The following SLC30A8 variants were observed in gnomAD, a reference collection of about 807,000 sequenced individuals.
SLC30A8 encodes the protein solute carrier family 30 member 8.
Under a neutral mutation model 36.9 loss-of-function variants are expected in SLC30A8, and 27 were observed. The observed-to-expected ratio is 0.73, with a 90% confidence interval of 0.54 to 1.01. The LOEUF is 1.01. SLC30A8 is among the 50% of genes least tolerant of loss of function. SLC30A8 has a pLI of 0.00. For synonymous variants in SLC30A8, 164 were observed against 172.4 expected, an observed-to-expected ratio of 0.95 and a Z score of 0.38; for missense variants, 439 against 452.0, an observed-to-expected ratio of 0.97 and a Z score of 0.26.
At chr8:116,959,723 T>C (rs182430585) in intron 1 of SLC30A8, among the ~76,000 whole-genome samples, 2 of 152,318 alleles carry the variant, frequency 1.3e-5, no homozygotes, top group Admixed American at 1.3e-4. Context: ...GAGTACTCTG[T>C]CCAAGGTCTT....
intron 1 of SLC30A8, among the ~76,000 whole-genome samples, chr8:117,145,536 TTTTGTTTG>T (rs200482000): frequency 6.6e-6 from 1 of 152,080 alleles, no homozygotes; most frequent in South Asian, 2.1e-4. Flanking sequence ...ATATTGTTAG[TTTTGTTTG>T]TTTGTTTGTT....
chr8:117,082,034 T>G (rs1196620933), intron 2 of SLC30A8, among the ~76,000 whole-genome samples: 1 of 152,234 alleles, frequency 6.6e-6, no homozygotes, highest in East Asian at 1.9e-4. Context: ...AGTTATCTCC[T>G]GAGTCCCTGA....
intron 2 of SLC30A8, among the ~76,000 whole-genome samples, chr8:117,047,097 C>G (rs1817576163): frequency 1.3e-5 from 2 of 152,128 alleles, no homozygotes; most frequent in Admixed American, 1.3e-4. Flanking sequence ...TCTCGGATCA[C>G]AGGAATGGAA....
chr8:117,119,885 C>T (rs1391455619), intron 2 of SLC30A8, among the ~76,000 whole-genome samples: 1 of 151,784 alleles, frequency 6.6e-6, no homozygotes, highest in East Asian at 1.9e-4. Flanking sequence ...ATCCCATTTA[C>T]AATAGCATCA....
intron 1 of SLC30A8, among the ~76,000 whole-genome samples, chr8:116,972,324 G>A (rs1452722235): frequency 6.6e-6 from 1 of 152,194 alleles, no homozygotes; most frequent in Non-Finnish European, 1.5e-5. Flanking sequence ...TAACAATTCT[G>A]TAGGCATCTC....
intron 2 of SLC30A8, among the ~76,000 whole-genome samples, chr8:117,117,476 G>A (rs1265312203): frequency 6.6e-6 from 1 of 151,994 alleles, no homozygotes; most frequent in Non-Finnish European, 1.5e-5. Context: ...GGCTTCCACT[G>A]TTGGGAAGGA....
chr8:117,083,454 AC>A (rs1224672793), intron 2 of SLC30A8, among the ~76,000 whole-genome samples: 1 of 152,168 alleles, frequency 6.6e-6, no homozygotes, highest in Non-Finnish European at 1.5e-5. Flanking sequence ...AGGTGAGAGA[AC>A]TGTGAAGAAC....
chr8:117,104,218 G>T (rs1437426332), intron 2 of SLC30A8, among the ~76,000 whole-genome samples: 1 of 152,086 alleles, frequency 6.6e-6, no homozygotes, highest in African/African-American at 2.4e-5. Context: ...TCTGGTTCTG[G>T]TTTATTTTTT....
chr8:117,152,072 G>A (rs538041675), intron 2 of SLC30A8, among the ~76,000 whole-genome samples: 2 of 152,214 alleles, frequency 1.3e-5, no homozygotes, highest in Non-Finnish European at 2.9e-5. Flanking sequence ...GCTGATGGCT[G>A]ACAGTCTCTG....
chr8:116,975,365 A>T (rs1236641398), intron 1 of SLC30A8, among the ~76,000 whole-genome samples: 2 of 152,328 alleles, frequency 1.3e-5, no homozygotes, highest in African/African-American at 4.8e-5. Context: ...TATCTTTGTT[A>T]TAAAGCTTAA....
intron 2 of SLC30A8, among the ~76,000 whole-genome samples, chr8:117,150,889 G>A (rs1822152888): frequency 6.6e-6 from 1 of 152,126 alleles, no homozygotes; most frequent in African/African-American, 2.4e-5. Flanking sequence ...ACAGGCGTGA[G>A]CCACCAAGCC....
At chr8:117,149,269 T>G (rs1377272879) in intron 2 of SLC30A8, among the ~76,000 whole-genome samples, 1 of 152,186 alleles carries the variant, frequency 6.6e-6, no homozygotes, top group African/African-American at 2.4e-5. Flanking sequence ...TTTTAAAGCT[T>G]TTTGATTCTT....
At chr8:117,121,978 T>C (rs1469084284) in intron 2 of SLC30A8, among the ~76,000 whole-genome samples, 1 of 151,826 alleles carries the variant, frequency 6.6e-6, no homozygotes, top group Admixed American at 6.6e-5. Context: ...GTAGGTCTTA[T>C]GTTTTTCACA....
At chr8:117,149,313 A>G (rs1006394660) in intron 2 of SLC30A8, among the ~76,000 whole-genome samples, 1 of 152,180 alleles carries the variant, frequency 6.6e-6, no homozygotes, top group African/African-American at 2.4e-5. Context: ...GAAACATGAT[A>G]TGATCTTTGC....
chr8:117,059,991 C>T (rs1458516130), intron 2 of SLC30A8, among the ~76,000 whole-genome samples: 1 of 151,848 alleles, frequency 6.6e-6, no homozygotes, highest in Non-Finnish European at 1.5e-5. Flanking sequence ...AGAACAGAAG[C>T]AACTGACTGG....
chr8:117,161,009 TATAG>T (rs1470892291), intron 4 of SLC30A8, among the ~76,000 whole-genome samples: 129 of 152,320 alleles, frequency 8.5e-4, no homozygotes, highest in African/African-American at 2.5e-3. Flanking sequence ...CTCTTAAAGT[TATAG>T]ATAAACAGAA....
intron 2 of SLC30A8, among the ~76,000 whole-genome samples, chr8:117,072,325 ATC>A (rs1485572927): frequency 6.6e-6 from 1 of 152,206 alleles, no homozygotes; most frequent in Non-Finnish European, 1.5e-5. Context: ...TCAAGTATAT[ATC>A]CATAAAAGAT....
At chr8:117,129,677 A>G (rs1412638840) in intron 2 of SLC30A8, among the ~76,000 whole-genome samples, 1 of 152,026 alleles carries the variant, frequency 6.6e-6, no homozygotes, top group Non-Finnish European at 1.5e-5. Flanking sequence ...TTATTTTTTA[A>G]CAGTTTAATA....
chr8:117,071,310 GC>G (rs1326370272), intron 2 of SLC30A8, among the ~76,000 whole-genome samples: 1 of 151,912 alleles, frequency 6.6e-6, no homozygotes, highest in Non-Finnish European at 1.5e-5. Context: ...GTGATGCTGA[GC>G]TTTTTTTTCA....
Sources: gnomAD v4.1 joint callset for allele counts (sites outside exome capture counted in the v4.1 genomes callset) on GRCh38, gnomAD v4.1.1 for gene constraint, MANE v1.5 for transcripts, NCBI Gene and HGNC (gene_info 2026-07-23, HGNC 2026-07-21) for gene names.